Variants in CENPI observed in about 807,000 individuals in gnomAD.
CENPI encodes the protein FSH primary response 1.
A neutral mutation model predicts 60.4 loss-of-function variants in CENPI; 4 were observed. That is an observed-to-expected ratio of 0.07 (90% CI 0.03 to 0.15). CENPI has a LOEUF of 0.15. Among genes scored for constraint, CENPI ranks in the 10% least tolerant of loss-of-function variants. CENPI has a pLI of 1.00. For missense variants in CENPI, 444 were observed against 534.5 expected (o/e 0.83, Z 1.67); for synonymous variants, 157 against 189.4 (o/e 0.83, Z 1.40).
chrX:101,144,977 AT>A (rs2089950454), intron 16 of CENPI, 86 bp from the exon 17 acceptor site: 1 of 780,256 alleles, frequency 1.3e-6, no homozygotes, highest in East Asian at 3.3e-5. Flanking sequence ...CCTCACCAAC[AT>A]TTTGCTTTAT....
At chrX:101,149,195 A>T (rs932194941) in intron 20 of CENPI, among the ~76,000 whole-genome samples, 1 of 111,935 alleles carries the variant, frequency 8.9e-6, no homozygotes, top group African/African-American at 3.2e-5. Flanking sequence ...AAGTCAGCAG[A>T]CTTTTCTTGT....
intron 20 of CENPI, among the ~76,000 whole-genome samples, chrX:101,156,159 C>T (rs1304755746): frequency 1.8e-5 from 2 of 110,683 alleles, no homozygotes; most frequent in African/African-American, 6.6e-5. Flanking sequence ...ATTACAGGCA[C>T]CCGCCACCAC....
intron 8 of CENPI, among the ~76,000 whole-genome samples, chrX:101,124,833 G>A (rs937981139): frequency 2.7e-5 from 3 of 111,954 alleles, no homozygotes; most frequent in African/African-American, 9.7e-5. Flanking sequence ...CCCTAGCCAC[G>A]TGGAACTGTG....
In CENPI at chrX:101,130,008, T is replaced by C. The variant is rs1238651485; in HGVS notation, c.1222T>C (p.Tyr408His). 1 of 1,199,777 alleles carries C rather than the reference T, an allele frequency of 8.3e-7. No homozygotes were observed. The highest frequency in any genetic ancestry group is 1.1e-6 in the Non-Finnish European group (1 of 885,753). The part of the protein sequence containing the change: ...EECIWYKVNN[Y>H]EHGKEFTNFL... ...ATGTATTTGGTACAAGGTGAATAATTATGAACATGGAAAAGAATTTACCAA... is the reference window on the plus strand; with the variant it reads ...ATGTATTTGGTACAAGGTGAATAATCATGAACATGGAAAAGAATTTACCAA... The change falls in exon 13 of 22, where the codon TAT becomes CAT. Residue 408 changes from tyrosine (Y) to histidine (H), a missense_variant. Transcript: ENST00000682095.
In CENPI at chrX:101,113,308, C is replaced by T. The variant is rs894652822; in HGVS notation, c.591+3310C>T. On this transcript the variant is annotated intron_variant, in intron 6 of 21. Coordinates refer to ENST00000682095, the MANE Select transcript of CENPI (RefSeq NM_001386188.2). ...ACACACACACACACACACACACACA[C>T]ACACACACACACACAGAGTAGATTT... Among the ~76,000 whole-genome samples the T allele has an allele frequency of 2.6e-4, 27 of 102,116 alleles. 1 individual carries two copies. Among genetic ancestry groups the T allele is most frequent in the African/African-American group, 9.6e-4 (27 of 28,073 alleles). The allele number at this position is 102,116 out of a possible 115,157, so 88.7% of individuals were successfully genotyped here.
the CENPI span, among the ~76,000 whole-genome samples, chrX:101,173,621 C>G: frequency 9.0e-6 from 1 of 110,593 alleles, no homozygotes; most frequent in African/African-American, 3.3e-5. Context: ...GATTACATTA[C>G]AACGAATCCA....
the CENPI span, among the ~76,000 whole-genome samples, chrX:101,176,219 C>T: frequency 2.7e-5 from 3 of 111,742 alleles, no homozygotes; most frequent in African/African-American, 9.8e-5. Flanking sequence ...TATTCCATAT[C>T]TTTCTATTGT....
the CENPI span, among the ~76,000 whole-genome samples, chrX:101,180,567 A>C: frequency 8.9e-6 from 1 of 112,348 alleles, no homozygotes; most frequent in African/African-American, 3.2e-5. Flanking sequence ...TACTTTATTC[A>C]TAGTGCCCTT....
chrX:101,143,512 A>G (rs1397840052), intron 16 of CENPI, among the ~76,000 whole-genome samples: 1 of 112,143 alleles, frequency 8.9e-6, no homozygotes, highest in Non-Finnish European at 1.9e-5. Flanking sequence ...AATTGAATTC[A>G]AGTGAAAAAA....
intron 20 of CENPI, among the ~76,000 whole-genome samples, chrX:101,149,549 C>G (rs2089989805): frequency 9.4e-6 from 1 of 106,202 alleles, no homozygotes; most frequent in Non-Finnish European, 1.9e-5. Flanking sequence ...CTCTGTCGCC[C>G]AGGCTAGAGT....
chrX:101,162,473 A>ATATATATATATATATATATAT (rs1556409814), intron 21 of CENPI, among the ~76,000 whole-genome samples: 13 of 68,102 alleles, frequency 1.9e-4, no homozygotes, highest in African/African-American at 9.0e-4. Flanking sequence ...AAAAAAAAAA[A>ATATATATATATATATATATAT]ATATATATAT....
intron 4 of CENPI, among the ~76,000 whole-genome samples, chrX:101,103,292 C>A (rs1222906435): frequency 1.8e-5 from 2 of 111,309 alleles, no homozygotes; most frequent in Non-Finnish European, 3.8e-5. Flanking sequence ...CTGCGCCCAG[C>A]CTGGGATGCT....
chrX:101,128,793 C>G lies in CENPI; in HGVS notation c.1152C>G (p.Val384=). ...HYINCVRDEP[V]LLRFYYWLSQ... ...TTAACTGTGTCAGAGATGAGCCAGT[C>G]TTGCTGAGGTTTTATTACTGGTTGA... Residue 384 remains valine (V), a synonymous_variant, in exon 12 of 22, where the codon GTC becomes GTG. Transcript: ENST00000682095. The G allele has an allele frequency of 8.3e-7, 1 of 1,209,048 alleles. No homozygotes were observed. Among genetic ancestry groups the G allele is most frequent in the South Asian group, 1.8e-5 (1 of 56,806 alleles).
At chrX:101,174,799 G>A in the CENPI span, among the ~76,000 whole-genome samples, 2 of 111,142 alleles carry the variant, frequency 1.8e-5, no homozygotes, top group Non-Finnish European at 3.8e-5. Context: ...TGTACCACCC[G>A]AATGTAAAAT....
rs1602800469 is a variant in CENPI, at chrX:101,127,738, G to T, written c.1074+73G>T. 6.7e-6 allele frequency: 6 copies of T among 894,096 alleles called. No homozygotes were observed. The East Asian group carries it at 1.9e-4, about 29-fold the overall frequency. 73.7% of individuals were successfully genotyped at this position (894,096 alleles called of 1,213,427 possible). On this transcript the variant is annotated intron_variant, in intron 11 of 21. Transcript: ENST00000682095. ...ATGGCCTTTGTTTTTTTGTTTGTTT[G>T]TTTGTTTTGTTTTTTTGAGATAGGG...
intron 8 of CENPI, among the ~76,000 whole-genome samples, chrX:101,124,875 C>A (rs910107278): frequency 1.8e-5 from 2 of 111,773 alleles, no homozygotes; most frequent in Non-Finnish European, 3.8e-5. Flanking sequence ...TTATAAATGA[C>A]CCAGTCTTGG....
rs2089908092 is a variant in CENPI, at chrX:101,140,704, T to C, written c.1509T>C (p.Asn503=). 5.0e-6 allele frequency: 6 copies of C among 1,205,915 alleles called. No individual in the cohort carries two copies. Among genetic ancestry groups the C allele is most frequent in the Non-Finnish European group, 6.7e-6 (6 of 891,319 alleles). The change falls in exon 16 of 22, where the codon AAT becomes AAC. Residue 503 remains asparagine (N), a synonymous_variant. Transcript: ENST00000682095. Reference sequence around the variant, plus strand: ...AGAGTCTGAAAGAGCTATTGCAGAATTGGCTGTTGTGGCTTTCTATGGACA... The same window carrying C: ...AGAGTCTGAAAGAGCTATTGCAGAACTGGCTGTTGTGGCTTTCTATGGACA... ...VLQSLKELLQ[N]WLLWLSMDIH... is the part of the protein sequence containing the mutation.
chrX:101,134,414 A>G (rs2089826294), intron 15 of CENPI, among the ~76,000 whole-genome samples: 1 of 111,651 alleles, frequency 9.0e-6, no homozygotes, highest in African/African-American at 3.3e-5. Context: ...TAAGTAGGAC[A>G]CTCCAGGAGG....
chrX:101,150,950 C>T (rs1044490341), intron 20 of CENPI, among the ~76,000 whole-genome samples: 2 of 110,655 alleles, frequency 1.8e-5, no homozygotes, highest in African/African-American at 6.6e-5. Flanking sequence ...TGTGCTTCTT[C>T]CTCATACTGC....
Sources: allele counts gnomAD v4.1 joint callset (sites outside exome capture counted in the v4.1 genomes callset), GRCh38; gene constraint gnomAD v4.1.1; transcripts MANE v1.5; gene names NCBI Gene and HGNC (gene_info 2026-07-23, HGNC 2026-07-21).